ANO2: variants seen among roughly 807,000 people sequenced by gnomAD.
The protein encoded by ANO2 is anoctamin 2, also known as anoctamin-2.
In ANO2, 101 loss-of-function variants were observed where a neutral mutation model predicts 124.2. The observed-to-expected ratio is 0.81, with a 90% CI of 0.69 to 0.96. The LOEUF is 0.96. Among genes scored for constraint, ANO2 ranks in the 40% least tolerant of loss-of-function variants. The probability of loss-of-function intolerance (pLI) is 0.00; values close to 1 mark genes in which losing one functional copy is unlikely to be tolerated. For synonymous variants in ANO2, 486 were observed against 482.5 expected (o/e 1.01, Z -0.09); for missense variants, 1,293 against 1,274.5 (o/e 1.01, Z -0.22).
chr12:5,668,359 G>C (rs1947838039), intron 14 of ANO2, among the ~76,000 whole-genome samples: 1 of 151,824 alleles, frequency 6.6e-6, no homozygotes, highest in Admixed American at 6.6e-5. Context: ...CTTCTTTTGA[G>C]AAGTGTCCAT....
At chr12:5,828,644 A>G (rs972616935) in intron 6 of ANO2, among the ~76,000 whole-genome samples, 1 of 152,148 alleles carries the variant, frequency 6.6e-6, no homozygotes, top group Non-Finnish European at 1.5e-5. Flanking sequence ...TACATGCCCA[A>G]AACAGCCTAC....
chr12:5,804,593 T>C (rs1322919407), intron 9 of ANO2, among the ~76,000 whole-genome samples: 2 of 152,182 alleles, frequency 1.3e-5, no homozygotes, highest in East Asian at 3.8e-4. Flanking sequence ...TCCCACCTAT[T>C]CTACCAGGTG....
intron 12 of ANO2, chr12:5,740,262 C>T (rs575451922): frequency 3.4e-5 from 8 of 234,602 alleles, no homozygotes; most frequent in East Asian, 2.2e-4. Flanking sequence ...GGAGAGACCA[C>T]GCAGCACCTG....
chr12:5,802,065 T>A (rs532222217), intron 9 of ANO2, among the ~76,000 whole-genome samples: 40 of 152,194 alleles, frequency 2.6e-4, no homozygotes, highest in Non-Finnish European at 4.9e-4. Flanking sequence ...CCAAGTCATA[T>A]GTCCAGGCAA....
At chr12:5,667,856 A>G (rs1690863014) in intron 14 of ANO2, among the ~76,000 whole-genome samples, 1 of 152,194 alleles carries the variant, frequency 6.6e-6, no homozygotes, top group Non-Finnish European at 1.5e-5. Flanking sequence ...TTCCAGCTCC[A>G]TCCATGTCCC....
At chr12:5,743,853 T>C (rs1951181410) in intron 12 of ANO2, among the ~76,000 whole-genome samples, 1 of 152,184 alleles carries the variant, frequency 6.6e-6, no homozygotes, top group South Asian at 2.1e-4. Context: ...GCAGGAGTCT[T>C]ACAGGTGTGC....
chr12:5,884,778 A>C (rs1392601454), intron 3 of ANO2, among the ~76,000 whole-genome samples: 2 of 152,172 alleles, frequency 1.3e-5, no homozygotes, highest in Non-Finnish European at 2.9e-5. Flanking sequence ...GGACCAAACA[A>C]AAGTAAAAGG....
chr12:5,571,785 T>C (rs1189325270), intron 23 of ANO2, among the ~76,000 whole-genome samples: 2 of 152,106 alleles, frequency 1.3e-5, no homozygotes, highest in African/African-American at 4.8e-5. Context: ...TAGAAAGACA[T>C]CCATAGAGGT....
intron 16 of ANO2, among the ~76,000 whole-genome samples, chr12:5,620,951 C>T (rs1945087970): frequency 6.6e-6 from 1 of 152,188 alleles, no homozygotes; most frequent in South Asian, 2.1e-4. Flanking sequence ...GCCAGGTCCT[C>T]CCTGCCTGAT....
chr12:5,809,215 C>A (rs901532166), intron 7 of ANO2, among the ~76,000 whole-genome samples: 2 of 152,138 alleles, frequency 1.3e-5, no homozygotes, highest in Non-Finnish European at 2.9e-5. Flanking sequence ...TCACTCTGAG[C>A]ATCATTACTC....
At chr12:5,565,728 G>A in intron 23 of ANO2, 65 bp from the exon 24 acceptor site, 1 of 1,345,734 alleles carries the variant, frequency 7.4e-7, no homozygotes, top group South Asian at 1.4e-5. Flanking sequence ...TCATTCTCTG[G>A]GTGAAACCTC....
chr12:5,919,843 G>A (rs1391972910), intron 3 of ANO2, among the ~76,000 whole-genome samples: 5 of 152,106 alleles, frequency 3.3e-5, no homozygotes, highest in Admixed American at 2.6e-4. Flanking sequence ...GACTACAGGC[G>A]CCCAACACCA....
At chr12:5,668,540 C>A (rs1308917649) in intron 14 of ANO2, among the ~76,000 whole-genome samples, 1 of 152,102 alleles carries the variant, frequency 6.6e-6, no homozygotes, top group East Asian at 1.9e-4. Flanking sequence ...TGCAGAAGCT[C>A]TTTGGTTTAA....
chr12:5,704,117 C>G (rs1949510552), intron 14 of ANO2, among the ~76,000 whole-genome samples: 1 of 151,424 alleles, frequency 6.6e-6, no homozygotes, highest in South Asian at 2.1e-4. Flanking sequence ...ATCAAAAGAA[C>G]AAAAAGATTG....
At chr12:5,687,643 A>C (rs903447718) in intron 14 of ANO2, among the ~76,000 whole-genome samples, 4 of 152,246 alleles carry the variant, frequency 2.6e-5, no homozygotes, top group Admixed American at 6.5e-5. Flanking sequence ...CCCTGTTTCC[A>C]AGAACTTGGA....
chr12:5,588,755 A>G (rs1391387299), intron 20 of ANO2, among the ~76,000 whole-genome samples: 1 of 152,234 alleles, frequency 6.6e-6, no homozygotes, highest in African/African-American at 2.4e-5. Context: ...CATTGGCAGT[A>G]GTGCATTACT....
At position 5,575,912 on chromosome 12, in the gene ANO2, G is replaced by A; in HGVS notation, c.2543C>T (p.Ser848Phe). 6.2e-7 allele frequency: 1 copy of A among 1,613,764 alleles called. No homozygotes were observed. The highest frequency in any genetic ancestry group is 8.5e-7 in the Non-Finnish European group (1 of 1,179,822). ...TLHGFVNHTL[S>F]FFNVSQLKEG... Reference sequence around the variant, plus strand: ...CTTCAGCTGGCTGACGTTGAAAAAGGAGAGGGTGTGGTTGACAAAGCCGTG... The same window carrying A: ...CTTCAGCTGGCTGACGTTGAAAAAGAAGAGGGTGTGGTTGACAAAGCCGTG... Residue 848 changes from serine to phenylalanine, a missense_variant, in exon 23 of 25, where the codon TCC becomes TTC. Ser to Phe is a radical substitution (Grantham distance 155, BLOSUM62 -2). Transcript: ENST00000682330.
chr12:5,798,703 C>CAACCAA (rs1225101438), intron 10 of ANO2, among the ~76,000 whole-genome samples: 1 of 152,222 alleles, frequency 6.6e-6, no homozygotes, highest in Non-Finnish European at 1.5e-5. Context: ...CAAGTTAGGA[C>CAACCAA]AACCAGGACC....
At chr12:5,835,807 C>T (rs75566459) in intron 4 of ANO2, among the ~76,000 whole-genome samples, 142 of 152,320 alleles carry the variant, frequency 9.3e-4, no homozygotes, top group Non-Finnish European at 1.6e-3. Context: ...ACATTAGTCA[C>T]TGCAATGCAC....
Sources: gnomAD v4.1 joint callset for allele counts (sites outside exome capture counted in the v4.1 genomes callset) on GRCh38, gnomAD v4.1.1 for gene constraint, MANE v1.5 for transcripts, NCBI Gene and HGNC (gene_info 2026-07-23, HGNC 2026-07-21) for gene names.